EGLN1: variants seen among roughly 807,000 people sequenced by gnomAD.
EGLN1 encodes egl-9 family hypoxia inducible factor 1.
EGLN1 carries 17 observed loss-of-function variants against 38.3 expected under a neutral mutation model. That is an observed-to-expected ratio of 0.44 (90% confidence interval 0.30 to 0.67). EGLN1 has a LOEUF of 0.67. Among genes scored for constraint, EGLN1 ranks in the 30% least tolerant of loss-of-function variants. The pLI, the probability that EGLN1 is intolerant of heterozygous loss-of-function variation, is 0.08. For missense variants in EGLN1, 477 were observed against 603.3 expected, an observed-to-expected ratio of 0.79 and a Z score of 2.19; for synonymous variants, 283 against 257.5, an observed-to-expected ratio of 1.10 and a Z score of -0.95.
At position 231,366,220 on chromosome 1, in the gene EGLN1, A is replaced by G. The variant is rs1687640727; in HGVS notation, c.*191T>C. The G allele has an allele frequency of 9.6e-6, 6 of 625,692 alleles. No individual in the cohort carries two copies. Among genetic ancestry groups the G allele is most frequent in the Non-Finnish European group, 1.4e-5 (5 of 354,312 alleles). The allele number at this position is 625,692 out of a possible 1,614,324, so 38.8% of individuals were successfully genotyped here. ...CTCCTGTAAGCAATCACAGATTTGA[A>G]GTTGATCATGCAGTACAAAGTCACA... is the stretch of plus-strand genomic sequence containing the variant. On this transcript the variant is annotated 3_prime_UTR_variant, in exon 5 of 5. Transcript: ENST00000366641.
At chr1:231,410,254 T>G (rs1374678556) in intron 1 of EGLN1, among the ~76,000 whole-genome samples, 1 of 151,996 alleles carries the variant, frequency 6.6e-6, no homozygotes, top group Non-Finnish European at 1.5e-5. Context: ...CAGACACTAT[T>G]GCCTTTTTGG....
chr1:231,422,008 C>A lies in EGLN1; in HGVS notation c.-120G>T. 1 of 1,108,000 alleles carries A rather than the reference C, an allele frequency of 9.0e-7. No individual in the cohort carries two copies. Among genetic ancestry groups the A allele is most frequent in the Non-Finnish European group, 1.2e-6 (1 of 858,044 alleles). The allele number at this position is 1,108,000 out of a possible 1,614,324, so 68.6% of individuals were successfully genotyped here. The stretch of plus-strand genomic sequence containing the variant: ...ATAGGGGCCGTTACTGCGCCATGCA[C>A]CCGCTACCCTCGCCTCAGGGAGGCC... On this transcript the variant is annotated 5_prime_UTR_variant, in exon 1 of 5. Coordinates refer to ENST00000366641, the MANE Select transcript of EGLN1 (RefSeq NM_022051.3).
At chr1:231,405,984 AC>A (rs1459979529) in intron 1 of EGLN1, among the ~76,000 whole-genome samples, 1 of 17,714 alleles carries the variant, frequency 5.6e-5, no homozygotes, top group Non-Finnish European at 1.1e-4. Flanking sequence ...CCCACCCCCC[AC>A]CCCCACCCAA....
At chr1:231,404,493 T>C (rs1688739401) in intron 1 of EGLN1, among the ~76,000 whole-genome samples, 1 of 151,894 alleles carries the variant, frequency 6.6e-6, no homozygotes, top group Non-Finnish European at 1.5e-5. Flanking sequence ...ACCTGTAAAA[T>C]AAGGCCAGGC....
chr1:231,383,057 CAAAAAAAAAAAAAAAAAAA>C (rs547747077), intron 1 of EGLN1, among the ~76,000 whole-genome samples: 4 of 70,562 alleles, frequency 5.7e-5, no homozygotes, highest in Admixed American at 3.8e-4. Flanking sequence ...AACTCTGTCT[CAAAAAAAAAAAAAAAAAAA>C]AAAAAAAAAA....
chr1:231,375,653 T>C (rs1687939506), intron 1 of EGLN1, among the ~76,000 whole-genome samples: 1 of 152,194 alleles, frequency 6.6e-6, no homozygotes, highest in African/African-American at 2.4e-5. Context: ...ACTTAACAAG[T>C]TCCTTCTTTC....
At position 231,421,799 on chromosome 1, in the gene EGLN1, C is replaced by T; in HGVS notation, c.90G>A (p.Leu30=). The change falls in exon 1 of 5, where the codon CTG becomes CTA. Residue 30 remains leucine (L), a synonymous_variant. Transcript: ENST00000366641. The surrounding 1 kb of genome is among the most constrained non-coding windows in gnomAD (Gnocchi z 5.5). ...YCELCGKMEN[L]LRCSRCRSSF... The stretch of plus-strand genomic sequence containing the variant: ...AGCTGCGGCAGCGGCTGCAGCGCAG[C>T]AGGTTCTCCATCTTCCCGCACAGCT... The T allele has an allele frequency of 1.9e-6, 3 of 1,559,764 alleles. No individual in the cohort carries two copies. The highest frequency in any genetic ancestry group is 2.6e-6 in the Non-Finnish European group (3 of 1,162,998).
chr1:231,411,577 GTTCATGT>G (rs1235348089), intron 1 of EGLN1, among the ~76,000 whole-genome samples: 3 of 152,120 alleles, frequency 2.0e-5, no homozygotes, highest in Non-Finnish European at 4.4e-5. Context: ...GGGTTCTGGA[GTTCATGT>G]TTCATGTTTC....
Position 231,366,242 on chromosome 1 carries a change from C to T in EGLN1, c.*169G>A. On this transcript the variant is annotated 3_prime_UTR_variant, in exon 5 of 5. Coordinates refer to ENST00000366641, the MANE Select transcript of EGLN1 (RefSeq NM_022051.3). ...TGAAGTTGATCATGCAGTACAAAGT[C>T]ACAGCAGTCAAAATCTTCTGTTTGA... 1 of 691,284 alleles carries T rather than the reference C, an allele frequency of 1.4e-6. No homozygotes were observed. Among genetic ancestry groups the T allele is most frequent in the East Asian group, 2.7e-5 (1 of 37,042 alleles). The allele number at this position is 691,284 out of a possible 1,614,324, so 42.8% of individuals were successfully genotyped here. A position where few individuals can be genotyped will look rare whatever the true frequency, so the allele number is the denominator to read the frequency against.
At chr1:231,404,693 C>T (rs959777564) in intron 1 of EGLN1, among the ~76,000 whole-genome samples, 1 of 152,114 alleles carries the variant, frequency 6.6e-6, no homozygotes, top group African/African-American at 2.4e-5. Flanking sequence ...CTGCATCCAT[C>T]ACTAGTTTTT....
At chr1:231,370,068 C>G (rs775395457) in intron 3 of EGLN1, among the ~76,000 whole-genome samples, 1 of 152,310 alleles carries the variant, frequency 6.6e-6, no homozygotes, top group East Asian at 1.9e-4. Flanking sequence ...TTAACTCCCA[C>G]ACATGGTAAC....
At chr1:231,418,862 C>CAA (rs746584010) in intron 1 of EGLN1, among the ~76,000 whole-genome samples, 153 of 94,404 alleles carry the variant, frequency 1.6e-3, no homozygotes, top group African/African-American at 5.8e-3. Context: ...ACCCTGTCTC[C>CAA]AAAAAAAAAA....
chr1:231,421,531 G>T lies in EGLN1; in HGVS notation c.358C>A (p.Pro120Thr). 7.7e-7 allele frequency: 1 copy of T among 1,300,414 alleles called. No individual in the cohort carries two copies. Among genetic ancestry groups the T allele is most frequent in the South Asian group, 2.7e-5 (1 of 36,686 alleles). 80.6% of individuals were successfully genotyped at this position (1,300,414 alleles called of 1,614,324 possible). ...GKVKAKPPAD[P>T]AAAASPCRAA... Reference sequence around the variant, plus strand: ...CGACACGGCGACGCGGCCGCCGCTGGGTCGGCCGGGGGCTTGGCCTTTACT... The same window carrying T: ...CGACACGGCGACGCGGCCGCCGCTGTGTCGGCCGGGGGCTTGGCCTTTACT... Residue 120 changes from proline to threonine, a missense_variant, in exon 1 of 5, where the codon CCA becomes ACA. Pro to Thr is a conservative substitution (Grantham distance 38). Around this residue, in one of 4 missense-constraint regions of EGLN1, gnomAD observed 298 missense variants for 288.9 expected, o/e 1.03. Transcript: ENST00000366641. This position sits in a 1 kb window ranked among gnomAD's most constrained non-coding sequence, Gnocchi z 5.5.
intron 1 of EGLN1, among the ~76,000 whole-genome samples, chr1:231,419,626 T>C (rs906281460): frequency 6.6e-6 from 1 of 152,224 alleles, no homozygotes; most frequent in African/African-American, 2.4e-5. Flanking sequence ...CGCTGAAATT[T>C]CATCAGATCC....
Position 231,370,453 on chromosome 1 carries a change from A to G in EGLN1, c.1148+109T>C, listed in dbSNP as rs533237919. 13 of 1,187,682 alleles carry G rather than the reference A, an allele frequency of 1.1e-5. No individual in the cohort carries two copies. The East Asian group carries it at 1.6e-4, about 15-fold the overall frequency. 73.6% of individuals were successfully genotyped at this position (1,187,682 alleles called of 1,614,324 possible). ...AATTATTCAAATTAAAATGACTGTG[A>G]AAAGTACCTGGCAGGAAAATACTCA... On this transcript the variant is annotated intron_variant, in intron 3 of 4. Transcript: ENST00000366641.
chr1:231,368,114 CG>C (rs1311778498), intron 3 of EGLN1, among the ~76,000 whole-genome samples: 17 of 152,084 alleles, frequency 1.1e-4, no homozygotes, highest in South Asian at 2.1e-4. Flanking sequence ...CGCTTGAACC[CG>C]GGGAGGCGGA....
intron 1 of EGLN1, among the ~76,000 whole-genome samples, chr1:231,397,025 TGCCATG>T (rs1312026087): frequency 6.6e-6 from 1 of 152,196 alleles, no homozygotes; most frequent in Non-Finnish European, 1.5e-5. Context: ...CCTCCAGAAT[TGCCATG>T]CCCTTCTCCA....
chr1:231,413,285 A>G (rs1405787496), intron 1 of EGLN1, among the ~76,000 whole-genome samples: 3 of 152,094 alleles, frequency 2.0e-5, no homozygotes, highest in East Asian at 3.9e-4. Flanking sequence ...CATGTTGGCC[A>G]GGCTGGTCTC....
At chr1:231,383,437 C>G (rs1218307502) in intron 1 of EGLN1, among the ~76,000 whole-genome samples, 1 of 152,154 alleles carries the variant, frequency 6.6e-6, no homozygotes, top group Non-Finnish European at 1.5e-5. Flanking sequence ...AGTACCCAGA[C>G]AGCAAAGACA....
Sources: allele counts gnomAD v4.1 joint callset (sites outside exome capture counted in the v4.1 genomes callset), GRCh38; gene constraint gnomAD v4.1.1; regional missense constraint gnomAD v4.1.1; non-coding constraint Gnocchi (gnomAD v3.1); transcripts MANE v1.5; gene names NCBI Gene and HGNC (gene_info 2026-07-23, HGNC 2026-07-21).